The following KCNQ1 variants were observed in gnomAD, a reference collection of about 807,000 sequenced individuals.
KCNQ1 encodes the protein potassium voltage-gated channel subfamily KQT member 1.
In KCNQ1, 49 loss-of-function variants were observed where a neutral mutation model predicts 72.4. The observed-to-expected ratio is 0.68, with a 90% CI of 0.54 to 0.86. The LOEUF is 0.86. Ranked by LOEUF, KCNQ1 falls within the 40% of genes least tolerant of loss-of-function variation. The pLI is 0.00. For synonymous variants in KCNQ1, 450 were observed against 412.6 expected, an observed-to-expected ratio of 1.09 and a Z score of -1.10; for missense variants, 790 against 945.1, an observed-to-expected ratio of 0.84 and a Z score of 2.15.
chr11:2,585,444 G>A, intron 8 of KCNQ1, 137 bp downstream of exon 8: 2 of 803,242 alleles, frequency 2.5e-6, no homozygotes. Context: ...CTCTGCTTGT[G>A]GAAGCCTTGG....
chr11:2,527,920 T>C lies in KCNQ1; in HGVS notation c.387-8T>C. ...CGTGATGCTGACTGCCGTGTCCCTG[T>C]CTTGCAGCTTCCTCATCGTCCTGGT... On this transcript the variant is annotated splice_polypyrimidine_tract_variant and splice_region_variant and intron_variant, in intron 1 of 15. Transcript: ENST00000155840. 6.2e-7 allele frequency: 1 copy of C among 1,613,712 alleles called. No individual in the cohort carries two copies. Among genetic ancestry groups the C allele is most frequent in the Middle Eastern group, 1.6e-4 (1 of 6,062 alleles).
intron 1 of KCNQ1, among the ~76,000 whole-genome samples, chr11:2,518,450 C>G (rs1847323745): frequency 6.6e-6 from 1 of 152,180 alleles, no homozygotes; most frequent in Non-Finnish European, 1.5e-5. Flanking sequence ...GCAGGGGGAC[C>G]AGCCTCTGGG....
Position 2,572,971 on chromosome 11 carries a change from G to A in KCNQ1, c.906G>A (p.Ala302=), listed in dbSNP as rs200762150. 8.7e-6 allele frequency: 14 copies of A among 1,613,620 alleles called. No homozygotes were observed. The highest frequency in any genetic ancestry group is 2.7e-5 in the African/African-American group (2 of 75,066). Reference sequence around the variant, plus strand: ...TGGAGTTCGGCAGCTACGCAGATGCGCTGTGGTGGGGGGTGGTAAGTCGGA... The same window carrying A: ...TGGAGTTCGGCAGCTACGCAGATGCACTGTGGTGGGGGGTGGTAAGTCGGA... ...GRVEFGSYAD[A]LWWGVVTVTT... is the part of the protein sequence containing the mutation. The change falls in exon 6 of 16, where the codon GCG becomes GCA. Residue 302 remains alanine, a synonymous_variant. Coordinates refer to ENST00000155840, the MANE Select transcript of KCNQ1 (RefSeq NM_000218.3).
Position 2,483,249 on chromosome 11 carries a change from G to A in KCNQ1, c.386+37765G>A, listed in dbSNP as rs1238178022. 1.3e-5 allele frequency among the ~76,000 whole-genome samples: 2 copies of A among 152,164 alleles called. No individual in the cohort carries two copies. The highest frequency in any genetic ancestry group is 2.9e-5 in the Non-Finnish European group (2 of 68,020). On this transcript the variant is annotated intron_variant, in intron 1 of 15. Coordinates refer to ENST00000155840, the MANE Select transcript of KCNQ1 (RefSeq NM_000218.3). This position sits in a 1 kb window ranked among gnomAD's most constrained non-coding sequence, Gnocchi z 6.1. ...GGTTAAGATCCTGAGAGCAATGCGG[G>A]GGGTGTGAGTGATGAGGGACAACAT...
intron 2 of KCNQ1, among the ~76,000 whole-genome samples, chr11:2,533,745 C>T (rs1056978858): frequency 1.2e-4 from 19 of 152,354 alleles, no homozygotes; most frequent in African/African-American, 4.3e-4. Flanking sequence ...TGGCCCCCTG[C>T]TCTCTGCAGT....
chr11:2,684,062 G>C (rs1042370210), intron 11 of KCNQ1: 5 of 397,982 alleles, frequency 1.3e-5, no homozygotes, highest in African/African-American at 8.3e-5. Flanking sequence ...ACATTGTTTA[G>C]AGTAAATAAT....
intron 9 of KCNQ1, 150 bp downstream of exon 9, chr11:2,587,842 T>C (rs1848616791): frequency 8.9e-7 from 1 of 1,118,796 alleles, no homozygotes; most frequent in Non-Finnish European, 1.3e-6. Context: ...CACTGGGCCA[T>C]ACACCCGATG....
chr11:2,768,784 G>C lies in KCNQ1; in HGVS notation c.1515-60G>C. ...GTGCTCCTCAGGCAGTGCAGGGGCAGTGAGGGGATGACCAGCACAGGGTGG... is the reference window on the plus strand; with the variant it reads ...GTGCTCCTCAGGCAGTGCAGGGGCACTGAGGGGATGACCAGCACAGGGTGG... On this transcript the variant is annotated intron_variant, in intron 11 of 15. Coordinates refer to ENST00000155840, the MANE Select transcript of KCNQ1 (RefSeq NM_000218.3). The surrounding 1 kb of genome is among the most constrained non-coding windows in gnomAD (Gnocchi z 6.7). The C allele has an allele frequency of 7.6e-7, 1 of 1,315,672 alleles. No individual in the cohort carries two copies. The highest frequency in any genetic ancestry group is 1.1e-6 in the Non-Finnish European group (1 of 907,796). The allele number at this position is 1,315,672 out of a possible 1,614,324, so 81.5% of individuals were successfully genotyped here.
intron 10 of KCNQ1, chr11:2,649,784 G>T (rs1199843847): frequency 2.5e-6 from 1 of 398,376 alleles, no homozygotes; most frequent in Non-Finnish European, 4.4e-6. Context: ...GCCCTTTTAG[G>T]GTTGAATCTA....
Position 2,626,267 on chromosome 11 carries a change from A to G in KCNQ1, c.1394-35694A>G, listed in dbSNP as rs1046778882. The stretch of plus-strand genomic sequence containing the variant: ...GTCTCAACTTCATTCTCTTTTATAC[A>G]TGGTTAGGTAAGGATCTCAACTTCA... On this transcript the variant is annotated intron_variant, in intron 10 of 15. Transcript: ENST00000155840. This position sits in a 1 kb window ranked among gnomAD's most constrained non-coding sequence, Gnocchi z 4.0. 2 of 398,360 alleles carry G rather than the reference A, an allele frequency of 5.0e-6. No homozygotes were observed. The highest frequency in any genetic ancestry group is 8.8e-6 in the Non-Finnish European group (2 of 226,064). The allele number at this position is 398,360 out of a possible 1,614,324, so 24.7% of individuals were successfully genotyped here.
chr11:2,777,629 G>C, intron 14 of KCNQ1: 1 of 584,956 alleles, frequency 1.7e-6, no homozygotes, highest in South Asian at 2.2e-5. Flanking sequence ...CGGAATGGCT[G>C]TGCCCCCAGC....
At position 2,536,700 on chromosome 11, in the gene KCNQ1, G is replaced by A. The variant is rs1449112859; in HGVS notation, c.477+8682G>A. Among the ~76,000 whole-genome samples, 2 of 152,144 alleles carry A rather than the reference G, an allele frequency of 1.3e-5. No homozygotes were observed. Among genetic ancestry groups the A allele is most frequent in the African/African-American group, 4.8e-5 (2 of 41,402 alleles). On this transcript the variant is annotated intron_variant, in intron 2 of 15. Transcript: ENST00000155840. This position sits in a 1 kb window ranked among gnomAD's most constrained non-coding sequence, Gnocchi z 7.4. ...CGTGGCTCTCCCTCCCAGCCTGCCA[G>A]AGGGACCGCTGGGCCTATCTCCAGC...
At chr11:2,834,299 C>T (rs1848017554) in intron 15 of KCNQ1, among the ~76,000 whole-genome samples, 1 of 152,140 alleles carries the variant, frequency 6.6e-6, no homozygotes, top group Non-Finnish European at 1.5e-5. Context: ...TGGGGCAGAT[C>T]ATGGAGGGCG....
chr11:2,751,581 C>T (rs1846225967), intron 11 of KCNQ1, among the ~76,000 whole-genome samples: 1 of 152,274 alleles, frequency 6.6e-6, no homozygotes, highest in Non-Finnish European at 1.5e-5. Context: ...GCCAACAGGC[C>T]ACTAGTGTGT....
intron 2 of KCNQ1, among the ~76,000 whole-genome samples, chr11:2,568,550 A>G (rs1009534742): frequency 1.3e-5 from 2 of 152,184 alleles, no homozygotes; most frequent in African/African-American, 4.8e-5. Flanking sequence ...GGTCTCCCTA[A>G]CGGGCAGTTT....
At chr11:2,596,951 A>G (rs1848742018) in intron 10 of KCNQ1, among the ~76,000 whole-genome samples, 1 of 152,044 alleles carries the variant, frequency 6.6e-6, no homozygotes, top group Non-Finnish European at 1.5e-5. Context: ...TAACCTAAAG[A>G]AACCAGTTGC....
intron 11 of KCNQ1, among the ~76,000 whole-genome samples, chr11:2,756,951 T>TAAAAAAAAAAAA (rs58284663): frequency 1.2e-4 from 6 of 50,994 alleles, no homozygotes; most frequent in African/African-American, 4.0e-4. Context: ...AAGAGCATCT[T>TAAAAAAAAAAAA]AAAAAAAAAA....
chr11:2,773,948 T>C (rs1846647956), intron 12 of KCNQ1, among the ~76,000 whole-genome samples: 1 of 151,760 alleles, frequency 6.6e-6, no homozygotes, highest in Admixed American at 6.6e-5. Flanking sequence ...GGGTTCAGCA[T>C]CCCATATTAC....
chr11:2,825,851 A>T (rs1203591416), intron 15 of KCNQ1, among the ~76,000 whole-genome samples: 1 of 152,102 alleles, frequency 6.6e-6, no homozygotes, highest in East Asian at 1.9e-4. Flanking sequence ...TGGAGTAAAG[A>T]GAGAGGCAGG....
Sources: gnomAD v4.1 joint callset for allele counts (sites outside exome capture counted in the v4.1 genomes callset) on GRCh38, gnomAD v4.1.1 for gene constraint, Gnocchi (gnomAD v3.1) non-coding constraint, MANE v1.5 for transcripts, NCBI Gene and HGNC (gene_info 2026-07-23, HGNC 2026-07-21) for gene names.